The following GRM5 variants were observed in gnomAD, a reference collection of about 807,000 sequenced individuals.
GRM5 encodes the protein metabotropic glutamate receptor 5.
GRM5 carries 19 observed loss-of-function variants against 83.1 expected under a neutral mutation model. That is an observed-to-expected ratio of 0.23 (90% CI 0.16 to 0.34). GRM5 has a LOEUF of 0.34. Ranked by LOEUF, GRM5 falls within the 10% of genes least tolerant of loss-of-function variation. GRM5 has a pLI of 1.00. For synonymous variants in GRM5, 675 were observed against 633.6 expected (o/e 1.07, Z -0.98); for missense variants, 1,160 against 1,588.3 (o/e 0.73, Z 4.58).
intron 7 of GRM5, among the ~76,000 whole-genome samples, chr11:88,588,548 C>T (rs530895671): frequency 3.6e-4 from 55 of 152,188 alleles, no homozygotes; most frequent in African/African-American, 1.3e-3. Flanking sequence ...GTTCTCCTAC[C>T]TGCTTACCCA....
chr11:89,009,900 CAAAAAAAAAAAAAAAAAA>C (rs758398638), intron 2 of GRM5, among the ~76,000 whole-genome samples: 1 of 21,688 alleles, frequency 4.6e-5, no homozygotes, highest in African/African-American at 1.2e-4. Context: ...GACTCCGTCT[CAAAAAAAAAAAAAAAAAA>C]AAAAAAAAAA....
chr11:88,999,934 T>G (rs1375650831), intron 2 of GRM5, among the ~76,000 whole-genome samples: 1 of 152,208 alleles, frequency 6.6e-6, no homozygotes, highest in Non-Finnish European at 1.5e-5. Context: ...TCATGTCCTT[T>G]GTAGGGACAT....
chr11:88,562,548 A>G (rs998615198), intron 8 of GRM5, among the ~76,000 whole-genome samples: 1 of 152,162 alleles, frequency 6.6e-6, no homozygotes, highest in African/African-American at 2.4e-5. Context: ...CATAGTAGGT[A>G]GGTAATAAAT....
intron 2 of GRM5, among the ~76,000 whole-genome samples, chr11:88,984,127 C>G (rs1471356901): frequency 6.6e-6 from 1 of 151,926 alleles, no homozygotes; most frequent in African/African-American, 2.4e-5. Flanking sequence ...TTTAGTATGG[C>G]TTAAGTTTAC....
intron 2 of GRM5, among the ~76,000 whole-genome samples, chr11:88,915,390 T>C (rs1419216017): frequency 1.3e-5 from 2 of 152,070 alleles, no homozygotes; most frequent in African/African-American, 4.8e-5. Context: ...CAAAAACCAG[T>C]GATATCGAGG....
intron 3 of GRM5, among the ~76,000 whole-genome samples, chr11:88,742,599 G>T (rs774157688): frequency 3.9e-5 from 6 of 152,052 alleles, no homozygotes; most frequent in East Asian, 1.9e-4. Flanking sequence ...GGTATTTATT[G>T]TTCCTTTCTG....
At chr11:88,676,504 ATAAT>A (rs1361563207) in intron 3 of GRM5, among the ~76,000 whole-genome samples, 1 of 152,080 alleles carries the variant, frequency 6.6e-6, no homozygotes, top group African/African-American at 2.4e-5. Flanking sequence ...TAAACATTGA[ATAAT>A]TATTTATTAA....
chr11:88,988,985 G>T (rs971192643), intron 2 of GRM5, among the ~76,000 whole-genome samples: 9 of 149,510 alleles, frequency 6.0e-5, no homozygotes, highest in Non-Finnish European at 1.0e-4. Flanking sequence ...ACATCATAAT[G>T]ACAGGATCAA....
intron 3 of GRM5, among the ~76,000 whole-genome samples, chr11:88,825,072 AT>A (rs1327874896): frequency 3.9e-5 from 6 of 152,110 alleles, no homozygotes; most frequent in African/African-American, 1.4e-4. Flanking sequence ...TACCCTGCAC[AT>A]TTCTTAGTGC....
chr11:88,634,037 A>C (rs117073227), intron 4 of GRM5, among the ~76,000 whole-genome samples: 1 of 152,330 alleles, frequency 6.6e-6, no homozygotes, highest in East Asian at 1.9e-4. Flanking sequence ...ACTGTGGGCA[A>C]TTATACAAAG....
chr11:88,705,126 T>C (rs1255981119), intron 3 of GRM5, among the ~76,000 whole-genome samples: 1 of 152,040 alleles, frequency 6.6e-6, no homozygotes, highest in East Asian at 1.9e-4. Flanking sequence ...ACCCATATCA[T>C]AAAAGAAGCA....
chr11:88,882,510 G>T (rs1382352321), intron 2 of GRM5, among the ~76,000 whole-genome samples: 1 of 149,846 alleles, frequency 6.7e-6, no homozygotes, highest in Non-Finnish European at 1.5e-5. Flanking sequence ...GCAGTGAGCC[G>T]AGATAGTGCC....
At chr11:88,559,339 T>C (rs1942703725) in intron 8 of GRM5, among the ~76,000 whole-genome samples, 1 of 152,146 alleles carries the variant, frequency 6.6e-6, no homozygotes, top group African/African-American at 2.4e-5. Context: ...GCTGCCATGT[T>C]TGTCATAAGG....
chr11:88,803,713 C>T (rs1943444081), intron 3 of GRM5, among the ~76,000 whole-genome samples: 1 of 152,086 alleles, frequency 6.6e-6, no homozygotes, highest in South Asian at 2.1e-4. Context: ...AGAGCTTCTA[C>T]ACAGCAAAAG....
intron 3 of GRM5, among the ~76,000 whole-genome samples, chr11:88,692,984 T>C (rs1940814768): frequency 6.6e-6 from 1 of 152,160 alleles, no homozygotes; most frequent in Admixed American, 6.5e-5. Flanking sequence ...CCACTGTGCC[T>C]GAATCACTGC....
intron 3 of GRM5, among the ~76,000 whole-genome samples, chr11:88,749,984 C>T (rs1355478011): frequency 6.6e-6 from 1 of 152,102 alleles, no homozygotes; most frequent in Non-Finnish European, 1.5e-5. Flanking sequence ...TACAAAAACA[C>T]ACTGAAGTAC....
intron 2 of GRM5, among the ~76,000 whole-genome samples, chr11:89,041,054 G>A (rs1454365024): frequency 6.6e-6 from 1 of 152,194 alleles, no homozygotes; most frequent in Non-Finnish European, 1.5e-5. Flanking sequence ...AACAGAAGTG[G>A]CTGAACACTA....
chr11:88,578,135 A>T (rs1265780500), intron 7 of GRM5, among the ~76,000 whole-genome samples: 1 of 152,058 alleles, frequency 6.6e-6, no homozygotes, highest in African/African-American at 2.4e-5. Flanking sequence ...GCCCCAAGTA[A>T]ATGGTATTAT....
chr11:88,761,303 C>T (rs371586673), intron 3 of GRM5, among the ~76,000 whole-genome samples: 32 of 152,190 alleles, frequency 2.1e-4, no homozygotes, highest in African/African-American at 7.5e-4. Context: ...TAGAAAACCC[C>T]ATAGTCTTGG....
Sources: gnomAD v4.1 joint callset for allele counts (sites outside exome capture counted in the v4.1 genomes callset) on GRCh38, gnomAD v4.1.1 for gene constraint, MANE v1.5 for transcripts, NCBI Gene and HGNC (gene_info 2026-07-23, HGNC 2026-07-21) for gene names.